The following CD2AP variants were observed in gnomAD, a reference collection of about 807,000 sequenced individuals.
CD2AP encodes the protein CD2-associated protein.
Under a neutral mutation model 85.1 loss-of-function variants are expected in CD2AP, and 46 were observed. That is an observed-to-expected ratio of 0.54 (90% CI 0.43 to 0.69). CD2AP has a LOEUF of 0.69. Among genes scored for constraint, CD2AP ranks in the 30% least tolerant of loss-of-function variants. CD2AP has a pLI of 0.00. For missense variants in CD2AP, 769 were observed against 729.5 expected, an observed-to-expected ratio of 1.05 and a Z score of -0.62; for synonymous variants, 255 against 252.9, an observed-to-expected ratio of 1.01 and a Z score of -0.08.
chr6:47,571,461 A>G (rs984910996), intron 5 of CD2AP, among the ~76,000 whole-genome samples: 2 of 152,180 alleles, frequency 1.3e-5, no homozygotes, highest in Admixed American at 6.5e-5. Context: ...CTGCATTATA[A>G]GGAAAGGGGA....
intron 1 of CD2AP, among the ~76,000 whole-genome samples, chr6:47,495,500 T>C (rs1393859744): frequency 6.6e-6 from 1 of 152,178 alleles, no homozygotes; most frequent in East Asian, 1.9e-4. Flanking sequence ...GCTACCCACT[T>C]TGTGATGGTT....
At chr6:47,530,141 C>G (rs1370656363) in intron 2 of CD2AP, among the ~76,000 whole-genome samples, 1 of 152,202 alleles carries the variant, frequency 6.6e-6, no homozygotes, top group Non-Finnish European at 1.5e-5. Flanking sequence ...AGCTACACTT[C>G]CTGTGTTAGG....
intron 1 of CD2AP, among the ~76,000 whole-genome samples, chr6:47,497,170 A>G (rs971016338): frequency 2.6e-5 from 4 of 152,066 alleles, no homozygotes; most frequent in African/African-American, 9.7e-5. Context: ...TGTGAAGCCA[A>G]GTAGTACATA....
At position 47,478,135 on chromosome 6, in the gene CD2AP, T is replaced by A; in HGVS notation, c.-110T>A. On this transcript the variant is annotated 5_prime_UTR_variant, in exon 1 of 18. Transcript: ENST00000359314. ...CGCCCCGCCTGAGCTCAGGAGGGGC[T>A]AGCGCGGAGCGCGGGTCCCGCCTCC... is the stretch of plus-strand genomic sequence containing the variant. 2 of 1,399,684 alleles carry A rather than the reference T, an allele frequency of 1.4e-6. No individual in the cohort carries two copies. The highest frequency in any genetic ancestry group is 5.0e-5 in the East Asian group (2 of 40,104). 86.7% of individuals were successfully genotyped at this position (1,399,684 alleles called of 1,614,324 possible). A position where few individuals can be genotyped will look rare whatever the true frequency, so the allele number is the denominator to read the frequency against.
At chr6:47,494,248 G>GC (rs1265719600) in intron 1 of CD2AP, among the ~76,000 whole-genome samples, 1 of 152,094 alleles carries the variant, frequency 6.6e-6, no homozygotes, top group Non-Finnish European at 1.5e-5. Context: ...AGCTGTAGGT[G>GC]CCAGGGGGTT....
intron 11 of CD2AP, among the ~76,000 whole-genome samples, chr6:47,582,808 T>G (rs1582588283): frequency 7.2e-6 from 1 of 139,048 alleles, no homozygotes; most frequent in African/African-American, 2.6e-5. Flanking sequence ...TTTTTTTTTT[T>G]GTCTCGCTCT....
At chr6:47,540,290 A>G (rs1159444717) in intron 3 of CD2AP, among the ~76,000 whole-genome samples, 3 of 151,332 alleles carry the variant, frequency 2.0e-5, no homozygotes, top group Non-Finnish European at 4.4e-5. Context: ...TGTGCTTAGC[A>G]TGGGTTCTGA....
chr6:47,595,955 A>G lies in CD2AP; in HGVS notation c.1203A>G (p.Leu401=). The change falls in exon 12 of 18, where the codon TTA becomes TTG. Residue 401 remains leucine, a synonymous_variant. Coordinates refer to ENST00000359314, the MANE Select transcript of CD2AP (RefSeq NM_012120.3). ...KPTPPTKASN[L]LRSSGTVYPK... ...CTCCACCTACCAAAGCCAGTAATTT[A>G]CTGAGATCTTCTGGAACAGTGTACC... is the stretch of plus-strand genomic sequence containing the variant. 1 of 1,612,562 alleles carries G rather than the reference A, an allele frequency of 6.2e-7. No homozygotes were observed. Among genetic ancestry groups the G allele is most frequent in the Non-Finnish European group, 8.5e-7 (1 of 1,178,772 alleles).
intron 5 of CD2AP, among the ~76,000 whole-genome samples, chr6:47,566,811 T>C (rs1045742807): frequency 6.6e-6 from 1 of 152,256 alleles, no homozygotes; most frequent in Non-Finnish European, 1.5e-5. Context: ...TTTTTATGGC[T>C]GCATAGTATT....
chr6:47,505,629 C>A (rs1385537543), intron 2 of CD2AP, among the ~76,000 whole-genome samples: 5 of 125,108 alleles, frequency 4.0e-5, no homozygotes, highest in African/African-American at 5.7e-5. Context: ...GGGGCTGACC[C>A]CCCCCACCTC....
intron 4 of CD2AP, among the ~76,000 whole-genome samples, chr6:47,550,721 A>C (rs1767495041): frequency 6.6e-6 from 1 of 152,026 alleles, no homozygotes; most frequent in South Asian, 2.1e-4. Flanking sequence ...TGAAAAAGAT[A>C]GTTGCACACA....
intron 14 of CD2AP, 67 bp downstream of exon 14, chr6:47,606,344 G>A (rs1230499327): frequency 4.3e-6 from 4 of 924,780 alleles, no homozygotes; most frequent in Non-Finnish European, 7.2e-6. Context: ...GGAAGATAGA[G>A]GACTTATAGC....
chr6:47,549,850 A>G (rs183905543), intron 4 of CD2AP, among the ~76,000 whole-genome samples: 27 of 152,338 alleles, frequency 1.8e-4, no homozygotes, highest in Non-Finnish European at 2.9e-4. Flanking sequence ...TGGTACTGGT[A>G]TAAAAATAGG....
At chr6:47,533,781 T>C in intron 3 of CD2AP, 26 bp downstream of exon 3, 1 of 1,608,388 alleles carries the variant, frequency 6.2e-7, no homozygotes, top group South Asian at 1.1e-5. Context: ...CTTTCCTGCA[T>C]AATTACATCA....
At chr6:47,511,409 A>G (rs1766311213) in intron 2 of CD2AP, among the ~76,000 whole-genome samples, 1 of 152,252 alleles carries the variant, frequency 6.6e-6, no homozygotes, top group South Asian at 2.1e-4. Flanking sequence ...AGGAGACATA[A>G]TAACCAAATA....
intron 3 of CD2AP, 89 bp downstream of exon 3, chr6:47,533,844 C>T: frequency 7.5e-7 from 1 of 1,324,558 alleles, no homozygotes; most frequent in Non-Finnish European, 1.1e-6. Flanking sequence ...TTAGTTCAGT[C>T]TTTTGTAGAC....
At chr6:47,557,270 T>C (rs1767724161) in intron 5 of CD2AP, among the ~76,000 whole-genome samples, 1 of 152,026 alleles carries the variant, frequency 6.6e-6, no homozygotes, top group Admixed American at 6.6e-5. Flanking sequence ...TCCCATTCTG[T>C]AGGTTGCCTG....
chr6:47,539,756 G>A (rs367936789), intron 3 of CD2AP, among the ~76,000 whole-genome samples: 1 of 152,064 alleles, frequency 6.6e-6, no homozygotes, highest in Non-Finnish European at 1.5e-5. Flanking sequence ...GTATGTCCCC[G>A]CCTTTGCTGT....
At chr6:47,511,414 C>G (rs777516106) in intron 2 of CD2AP, among the ~76,000 whole-genome samples, 1 of 152,134 alleles carries the variant, frequency 6.6e-6, no homozygotes, top group African/African-American at 2.4e-5. Context: ...ACATAATAAC[C>G]AAATACATTT....
Sources: allele counts gnomAD v4.1 joint callset (sites outside exome capture counted in the v4.1 genomes callset), GRCh38; gene constraint gnomAD v4.1.1; transcripts MANE v1.5; gene names NCBI Gene and HGNC (gene_info 2026-07-23, HGNC 2026-07-21).